GRIA3: variants seen among roughly 807,000 people sequenced by gnomAD.
GRIA3 encodes the protein glutamate receptor 3.
A neutral mutation model predicts 63.0 loss-of-function variants in GRIA3; 3 were observed. The ratio of observed to expected loss-of-function variants is 0.05; its 90% CI spans 0.02 to 0.12. The LOEUF is 0.12. GRIA3 is among the 10% of genes least tolerant of loss of function. The pLI is 1.00. For synonymous variants in GRIA3, 274 were observed against 257.9 expected (o/e 1.06, Z -0.60); for missense variants, 347 against 700.9 (o/e 0.50, Z 5.70).
At chrX:123,273,253 G>C (rs2044534268) in intron 3 of GRIA3, among the ~76,000 whole-genome samples, 1 of 111,568 alleles carries the variant, frequency 9.0e-6, no homozygotes, top group Admixed American at 9.5e-5. Context: ...TGATACACCA[G>C]GTAACCAGGA....
intron 3 of GRIA3, among the ~76,000 whole-genome samples, chrX:123,257,927 A>C (rs1330050362): frequency 2.7e-5 from 3 of 112,262 alleles, no homozygotes; most frequent in African/African-American, 9.7e-5. Context: ...CTGCAGACGA[A>C]AGTCTGATTT....
At chrX:123,392,500 T>A (rs1451692989) in intron 5 of GRIA3, among the ~76,000 whole-genome samples, 1 of 111,419 alleles carries the variant, frequency 9.0e-6, no homozygotes, top group African/African-American at 3.3e-5. Flanking sequence ...AATGCCATTA[T>A]ACAATCTCTA....
chrX:123,281,943 T>C (rs2044588354), intron 3 of GRIA3, among the ~76,000 whole-genome samples: 3 of 110,511 alleles, frequency 2.7e-5, no homozygotes, highest in Admixed American at 9.6e-5. Context: ...CCTTGGAGAG[T>C]TTATAAGGTA....
At chrX:123,209,680 A>G (rs751782538) in intron 2 of GRIA3, among the ~76,000 whole-genome samples, 1 of 112,268 alleles carries the variant, frequency 8.9e-6, no homozygotes, top group African/African-American at 3.2e-5. Context: ...ACTTCAAGGT[A>G]GTTTCCCTAA....
intron 12 of GRIA3, among the ~76,000 whole-genome samples, chrX:123,445,268 G>A (rs1223218954): frequency 4.5e-5 from 5 of 111,548 alleles, no homozygotes; most frequent in Non-Finnish European, 5.7e-5. Context: ...CCTGGCTTCT[G>A]CAGAAAAGAG....
chrX:123,220,903 A>T (rs952430568), intron 2 of GRIA3, among the ~76,000 whole-genome samples: 2 of 112,190 alleles, frequency 1.8e-5, no homozygotes, highest in African/African-American at 6.5e-5. Context: ...ACCAGCACTT[A>T]TAGCACTTAT....
chrX:123,235,138 G>A (rs948807600), intron 2 of GRIA3, among the ~76,000 whole-genome samples: 1 of 111,692 alleles, frequency 9.0e-6, no homozygotes, highest in Non-Finnish European at 1.9e-5. Flanking sequence ...TTGTGTAGCA[G>A]ATCCTGTAAC....
intron 2 of GRIA3, among the ~76,000 whole-genome samples, chrX:123,188,718 G>C (rs1190220792): frequency 8.9e-6 from 1 of 111,870 alleles, no homozygotes; most frequent in African/African-American, 3.3e-5. Context: ...AAAATTCCTA[G>C]TTTCAACTTC....
chrX:123,334,210 G>A (rs1305133391), intron 4 of GRIA3, among the ~76,000 whole-genome samples: 1 of 111,588 alleles, frequency 9.0e-6, no homozygotes, highest in African/African-American at 3.3e-5. Context: ...CTCTACTTGT[G>A]GTAAAAGCCT....
At chrX:123,344,676 CAAT>C (rs1405672991) in intron 4 of GRIA3, among the ~76,000 whole-genome samples, 2 of 111,463 alleles carry the variant, frequency 1.8e-5, no homozygotes, top group Non-Finnish European at 3.8e-5. Flanking sequence ...GTTAAAACAA[CAAT>C]GTTTCAGAAA....
chrX:123,290,438 A>G (rs2044648606), intron 3 of GRIA3, among the ~76,000 whole-genome samples: 1 of 111,521 alleles, frequency 9.0e-6, no homozygotes, highest in South Asian at 3.7e-4. Flanking sequence ...AAGGTCAGAA[A>G]ACACTATGGA....
At chrX:123,184,813 T>A (rs955579130) in intron 1 of GRIA3, 169 bp downstream of exon 1, 2 of 502,879 alleles carry the variant, frequency 4.0e-6, no homozygotes, top group Non-Finnish European at 7.2e-6. Context: ...GGGGGGAATC[T>A]GAGCCTCAAC....
chrX:123,462,431 C>T (rs1313753993), intron 12 of GRIA3, among the ~76,000 whole-genome samples: 1 of 111,947 alleles, frequency 8.9e-6, no homozygotes, highest in Admixed American at 9.5e-5. Context: ...CAGTGGCTTC[C>T]TTTGCTATAA....
intron 3 of GRIA3, among the ~76,000 whole-genome samples, chrX:123,295,352 A>G (rs1407858709): frequency 1.8e-5 from 2 of 111,680 alleles, no homozygotes; most frequent in Non-Finnish European, 3.8e-5. Flanking sequence ...TACATCCTGC[A>G]TGACACAGTA....
intron 3 of GRIA3, among the ~76,000 whole-genome samples, chrX:123,300,666 C>T (rs903203277): frequency 9.4e-6 from 1 of 106,093 alleles, no homozygotes; most frequent in African/African-American, 3.4e-5. Context: ...TGTATCTCGA[C>T]CTCCTTCAGT....
At chrX:123,398,883 A>G (rs548242570) in intron 7 of GRIA3, 80 bp downstream of exon 7, 32 of 803,929 alleles carry the variant, frequency 4.0e-5, no homozygotes, top group Middle Eastern at 6.1e-4. Flanking sequence ...TTGAGAGAAG[A>G]CATACTAAAA....
At chrX:123,477,627 G>A (rs1019838449) in intron 13 of GRIA3, among the ~76,000 whole-genome samples, 1 of 111,743 alleles carries the variant, frequency 8.9e-6, no homozygotes, top group Non-Finnish European at 1.9e-5. Flanking sequence ...TTGATGAAAG[G>A]GTTTCAGGGA....
At chrX:123,405,246 T>G (rs998978697) in intron 10 of GRIA3, among the ~76,000 whole-genome samples, 2 of 112,083 alleles carry the variant, frequency 1.8e-5, no homozygotes, top group African/African-American at 6.5e-5. Flanking sequence ...CCTAAGCAAC[T>G]TTGCCTAAGC....
Position 123,488,699 on chromosome X carries a change from C to T in GRIA3, c.*3-14C>T, listed in dbSNP as rs905475569. ...GAAGCCCCTTCAAATTTAAATATCC[C>T]CTTGCCTTTGCAGATCCCTTCCCAC... On this transcript the variant is annotated splice_polypyrimidine_tract_variant and intron_variant, in intron 15 of 15. Transcript: ENST00000620443. 8.1e-5 allele frequency: 9 copies of T among 111,515 alleles called. No homozygotes were observed. Among genetic ancestry groups the T allele is most frequent in the African/African-American group, 2.9e-4 (9 of 30,544 alleles). The allele number at this position is 111,515 out of a possible 1,213,427, so 9.2% of individuals were successfully genotyped here.
Sources: allele counts gnomAD v4.1 joint callset (sites outside exome capture counted in the v4.1 genomes callset), GRCh38; gene constraint gnomAD v4.1.1; transcripts MANE v1.5; gene names NCBI Gene and HGNC (gene_info 2026-07-23, HGNC 2026-07-21).